The following ZNF568 variants were observed in gnomAD, a reference collection of about 807,000 sequenced individuals.
ZNF568 encodes the protein zinc finger protein 568, also known as p53 inhibitor of SCO2 activation.
Under a neutral mutation model 18.1 loss-of-function variants are expected in ZNF568, and 11 were observed. The observed-to-expected ratio is 0.61, with a 90% CI of 0.38 to 1.00. The LOEUF is 1.00. ZNF568 is among the 50% of genes least tolerant of loss of function. ZNF568 has a pLI of 0.01. For synonymous variants in ZNF568, 213 were observed against 246.6 expected (o/e 0.86, Z 1.28); for missense variants, 639 against 768.2 (o/e 0.83, Z 1.99).
At chr19:36,964,592 A>G (rs1001962939) in intron 6 of ZNF568, among the ~76,000 whole-genome samples, 1 of 152,152 alleles carries the variant, frequency 6.6e-6, no homozygotes, top group Admixed American at 6.5e-5. Flanking sequence ...GTGGGAAGAT[A>G]GCTTGAGCCC....
chr19:36,997,525 A>G (rs866663716), downstream of ZNF568: 4 of 1,589,322 alleles, frequency 2.5e-6, no homozygotes, highest in Admixed American at 5.3e-5. Context: ...TCATGAGAGA[A>G]GTCACACTGG....
rs528534876 is a variant in ZNF568 at position 36,936,590 on chromosome 19, A to G, written c.136-156A>G. On this transcript the variant is annotated intron_variant, in intron 4 of 6. Coordinates refer to ENST00000333987, the MANE Select transcript of ZNF568 (RefSeq NM_198539.4). ...TGTCAGATTTGGGAAATGTCCAACC[A>G]TTATTTCTTTGAATGTTTTTTCTGC... The G allele has an allele frequency of 2.4e-4, 148 of 615,168 alleles. 1 individual carries two copies. The African/African-American group carries it at 2.4e-3, about 10-fold the overall frequency. The allele number at this position is 615,168 out of a possible 1,614,324, so 38.1% of individuals were successfully genotyped here. A position where few individuals can be genotyped will look rare whatever the true frequency, so the allele number is the denominator to read the frequency against.
intron 6 of ZNF568, 67 bp downstream of exon 6, chr19:36,937,309 T>C: frequency 7.5e-7 from 1 of 1,334,670 alleles, no homozygotes. Flanking sequence ...AGGGTTGATA[T>C]CATTTCACAA....
chr19:36,997,393 T>C (rs756064530), downstream of ZNF568: 16 of 1,590,438 alleles, frequency 1.0e-5, no homozygotes, highest in Non-Finnish European at 3.4e-6. Context: ...GTGTAAGGAA[T>C]GTGAAAAGGC....
intron 6 of ZNF568, among the ~76,000 whole-genome samples, chr19:36,938,771 C>T (rs2146293563): frequency 6.6e-6 from 1 of 152,198 alleles, no homozygotes; most frequent in Non-Finnish European, 1.5e-5. Flanking sequence ...TGATTATTTC[C>T]CCTCATAGGT....
At chr19:36,940,656 T>C (rs1303579336) in intron 6 of ZNF568, among the ~76,000 whole-genome samples, 1 of 152,184 alleles carries the variant, frequency 6.6e-6, no homozygotes, top group East Asian at 1.9e-4. Context: ...GAGATAGTGT[T>C]GAATGTTAAA....
intron 6 of ZNF568, among the ~76,000 whole-genome samples, chr19:36,958,622 T>TC (rs1417077089): frequency 2.2e-5 from 3 of 138,642 alleles, no homozygotes; most frequent in South Asian, 2.4e-4. Context: ...CTTTCTTTTT[T>TC]TTTTTTTTTT....
At chr19:36,948,657 G>GTTTTTTTTTTTTTTTTTTTTTTTTTT in intron 6 of ZNF568, among the ~76,000 whole-genome samples, 1 of 42,546 alleles carries the variant, frequency 2.4e-5, no homozygotes, top group African/African-American at 1.4e-4. Flanking sequence ...TTTTGTTGTT[G>GTTTTTTTTTTTTTTTTTTTTTTTTTT]ATTTTTTTTT....
chr19:36,990,764 G>C (rs574095921), intron 2 of ZNF568, among the ~76,000 whole-genome samples: 1 of 152,308 alleles, frequency 6.6e-6, no homozygotes, highest in Admixed American at 6.5e-5. Context: ...GTCTATTTAA[G>C]AATTTTTGGT....
chr19:36,937,433 T>C (rs529497254), intron 6 of ZNF568, among the ~76,000 whole-genome samples, 191 bp downstream of exon 6: 1 of 152,340 alleles, frequency 6.6e-6, no homozygotes, highest in East Asian at 1.9e-4. Context: ...GATATTTTCC[T>C]CTTTTAAATT....
intron 2 of ZNF568, among the ~76,000 whole-genome samples, chr19:36,987,471 A>G (rs1049046706): frequency 6.6e-6 from 1 of 152,192 alleles, no homozygotes; most frequent in Non-Finnish European, 1.5e-5. Context: ...ATAGAACACC[A>G]GAATTTATTC....
At position 36,925,262 on chromosome 19, in the gene ZNF568, C is replaced by G; in HGVS notation, c.135+4C>G. On this transcript the variant is annotated splice_donor_region_variant and intron_variant, in intron 4 of 6. Transcript: ENST00000333987. ...AGAGGATACAACCAGGCCTCTTGTA[C>G]GTCTTAAGCATTTATTTGTTTCCTG... 1 of 1,613,368 alleles carries G rather than the reference C, an allele frequency of 6.2e-7. No homozygotes were observed. The highest frequency in any genetic ancestry group is 8.5e-7 in the Non-Finnish European group (1 of 1,179,404).
intron 3 of ZNF568, among the ~76,000 whole-genome samples, chr19:36,924,595 G>C (rs2073519221): frequency 6.7e-6 from 1 of 149,108 alleles, no homozygotes; most frequent in African/African-American, 2.4e-5. Flanking sequence ...TTGGGAGGCC[G>C]AGGCAAATGG....
chr19:36,932,311 G>A (rs1207698351), intron 4 of ZNF568, among the ~76,000 whole-genome samples: 1 of 152,134 alleles, frequency 6.6e-6, no homozygotes, highest in Admixed American at 6.6e-5. Context: ...ACTGTTAGCC[G>A]AGTGCAATGG....
intron 6 of ZNF568, among the ~76,000 whole-genome samples, chr19:36,968,156 T>A (rs960092765): frequency 6.6e-6 from 1 of 152,188 alleles, no homozygotes; most frequent in Non-Finnish European, 1.5e-5. Context: ...TATCCATACA[T>A]GGTAGAAAGT....
downstream of ZNF568, chr19:36,997,561 T>C (rs762007824): frequency 6.3e-6 from 10 of 1,584,596 alleles, no homozygotes; most frequent in Admixed American, 3.6e-5. Flanking sequence ...GTGTAAGGAG[T>C]GTGGGAAGCC....
chr19:36,960,518 G>A (rs989926226), intron 6 of ZNF568, among the ~76,000 whole-genome samples: 2 of 151,572 alleles, frequency 1.3e-5, no homozygotes, highest in Admixed American at 6.6e-5. Context: ...TTTCATTTTC[G>A]GTTGTTTCAA....
In ZNF568 at chr19:36,926,935, T is replaced by G. The variant is rs554627888; in HGVS notation, c.135+1677T>G. 3.3e-4 allele frequency among the ~76,000 whole-genome samples: 51 copies of G among 152,326 alleles called. 1 individual carries two copies. The highest frequency in any genetic ancestry group is 1.0e-3 in the South Asian group (5 of 4,826). Reference sequence around the variant, plus strand: ...CTCTAGGGCCCACACTCTACGATACTGTACAGATGGAGGCTCATTATGAGT... The same window carrying G: ...CTCTAGGGCCCACACTCTACGATACGGTACAGATGGAGGCTCATTATGAGT... On this transcript the variant is annotated intron_variant, in intron 4 of 6. Transcript: ENST00000333987.
chr19:36,993,106 A>C (rs554407211), intron 4 of ZNF568, among the ~76,000 whole-genome samples: 2 of 152,312 alleles, frequency 1.3e-5, no homozygotes, highest in South Asian at 4.1e-4. Flanking sequence ...GAACATTTGT[A>C]TATAGGTTCC....
Sources: gnomAD v4.1 joint callset for allele counts (sites outside exome capture counted in the v4.1 genomes callset) on GRCh38, gnomAD v4.1.1 for gene constraint, MANE v1.5 for transcripts, NCBI Gene and HGNC (gene_info 2026-07-23, HGNC 2026-07-21) for gene names.